PPP2R5A: variants seen among roughly 807,000 people sequenced by gnomAD.
The protein encoded by PPP2R5A is protein phosphatase 2 regulatory subunit B'alpha.
Under a neutral mutation model 64.2 loss-of-function variants are expected in PPP2R5A, and 25 were observed. That is an observed-to-expected ratio of 0.39 (90% CI 0.28 to 0.54). The LOEUF (loss-of-function observed/expected upper bound fraction) is 0.54. Among genes scored for constraint, PPP2R5A ranks in the 20% least tolerant of loss-of-function variants. The pLI is 0.67. For missense variants in PPP2R5A, 425 were observed against 576.3 expected, an observed-to-expected ratio of 0.74 and a Z score of 2.69; for synonymous variants, 198 against 201.2, an observed-to-expected ratio of 0.98 and a Z score of 0.13.
chr1:212,296,989 C>G (rs1340815034), intron 1 of PPP2R5A, among the ~76,000 whole-genome samples: 1 of 151,562 alleles, frequency 6.6e-6, no homozygotes, highest in Non-Finnish European at 1.5e-5. Flanking sequence ...GTTGCCTGGA[C>G]TGAAGCAAAG....
At chr1:212,330,910 G>T (rs553147095) in intron 2 of PPP2R5A, among the ~76,000 whole-genome samples, 1 of 151,006 alleles carries the variant, frequency 6.6e-6, no homozygotes, top group East Asian at 1.9e-4. Context: ...GCTCATGCCT[G>T]TAACCCCAGC....
At chr1:212,300,250 T>G (rs980365674) in intron 1 of PPP2R5A, among the ~76,000 whole-genome samples, 3 of 144,022 alleles carry the variant, frequency 2.1e-5, no homozygotes, top group Admixed American at 6.7e-5. Context: ...ACCTGGATAC[T>G]CTCTATATAT....
chr1:212,321,534 T>G (rs1489347171), intron 1 of PPP2R5A, among the ~76,000 whole-genome samples: 12 of 121,438 alleles, frequency 9.9e-5, no homozygotes, highest in Admixed American at 5.7e-4. Context: ...AGGCAGAGGG[T>G]CTCCTCACTT....
chr1:212,325,075 T>C lies in PPP2R5A; in HGVS notation c.182-4060T>C, dbSNP rs962390465. ...CATCAAATAAATATTTATTAACTCC[T>C]TATATACCCTACCCTAGATAAAAAA... On this transcript the variant is annotated intron_variant, in intron 1 of 12. Transcript: ENST00000261461. 2.0e-5 allele frequency among the ~76,000 whole-genome samples: 3 copies of C among 152,136 alleles called. No individual in the cohort carries two copies. In the East Asian group the frequency reaches 5.8e-4, roughly 29 times the overall value.
At chr1:212,347,040 A>G (rs1201751613) in intron 5 of PPP2R5A, among the ~76,000 whole-genome samples, 1 of 152,232 alleles carries the variant, frequency 6.6e-6, no homozygotes, top group East Asian at 1.9e-4. Context: ...TATTTTAAAA[A>G]GTATTTCTTT....
At position 212,358,704 on chromosome 1, in the gene PPP2R5A, A is replaced by G; in HGVS notation, c.1245A>G (p.Val415=). The part of the protein sequence containing the change: ...EHWNPTIVAL[V]YNVLKTLMEM... The stretch of plus-strand genomic sequence containing the variant: ...ATTTCAGGACCATTGTAGCACTGGT[A>G]TACAATGTGCTGAAAACCCTAATGG... Residue 415 remains valine, a synonymous_variant, in exon 12 of 13, where the codon GTA becomes GTG. Coordinates refer to ENST00000261461, the MANE Select transcript of PPP2R5A (RefSeq NM_006243.4). The G allele has an allele frequency of 3.1e-6, 5 of 1,612,848 alleles. No individual in the cohort carries two copies. Among genetic ancestry groups the G allele is most frequent in the Non-Finnish European group, 4.2e-6 (5 of 1,179,038 alleles).
At chr1:212,344,224 T>C (rs1659735510) in intron 4 of PPP2R5A, among the ~76,000 whole-genome samples, 1 of 152,224 alleles carries the variant, frequency 6.6e-6, no homozygotes, top group South Asian at 2.1e-4. Flanking sequence ...TCCGCCTGCC[T>C]TGGCCTCCCA....
In PPP2R5A at chr1:212,301,764, T is replaced by C. The variant is rs1658802766; in HGVS notation, c.181+15473T>C. ...AGTTTCTTAAATTAGAATCTTGGAT[T>C]GCATCCTCAGCGTGTCACTGTAGTG... On this transcript the variant is annotated intron_variant, in intron 1 of 12. Transcript: ENST00000261461. The C allele has an allele frequency of 3.9e-6, 4 of 1,027,708 alleles. No homozygotes were observed. In the East Asian group the frequency reaches 3.0e-4, roughly 77 times the overall value. The allele number at this position is 1,027,708 out of a possible 1,614,324, so 63.7% of individuals were successfully genotyped here.
intron 1 of PPP2R5A, among the ~76,000 whole-genome samples, chr1:212,327,724 T>G (rs1028890199): frequency 6.6e-6 from 1 of 151,696 alleles, no homozygotes; most frequent in Admixed American, 6.6e-5. Flanking sequence ...ATTTTTTGAG[T>G]GCCTATTATA....
At chr1:212,340,283 T>C (rs912054543) in intron 3 of PPP2R5A, among the ~76,000 whole-genome samples, 3 of 152,092 alleles carry the variant, frequency 2.0e-5, no homozygotes, top group Admixed American at 6.5e-5. Flanking sequence ...CTTAAAGCTT[T>C]TCCTACCTAT....
chr1:212,302,985 C>T (rs1658826280), intron 1 of PPP2R5A, among the ~76,000 whole-genome samples: 1 of 152,106 alleles, frequency 6.6e-6, no homozygotes, highest in South Asian at 2.1e-4. Context: ...TTTTATTTAT[C>T]CATTCCTCAC....
intron 9 of PPP2R5A, 63 bp from the exon 10 acceptor site, chr1:212,356,887 T>G: frequency 6.5e-6 from 9 of 1,387,814 alleles, no homozygotes; most frequent in Non-Finnish European, 8.8e-6. Context: ...CTCATTTGTA[T>G]GGTTTCTATA....
At chr1:212,360,253 G>T (rs748059555) in intron 12 of PPP2R5A, among the ~76,000 whole-genome samples, 72 of 152,200 alleles carry the variant, frequency 4.7e-4, no homozygotes, top group Admixed American at 8.5e-4. Flanking sequence ...TGTGGTGAAG[G>T]AAGTGCTTCC....
intron 1 of PPP2R5A, chr1:212,319,519 C>T (rs762352731): frequency 7.9e-5 from 12 of 151,920 alleles, no homozygotes; most frequent in Non-Finnish European, 1.8e-4. Flanking sequence ...TGCAAGAATT[C>T]TTAAAACGGA....
At chr1:212,351,112 A>C (rs939210248) in intron 8 of PPP2R5A, among the ~76,000 whole-genome samples, 19 of 146,104 alleles carry the variant, frequency 1.3e-4, no homozygotes, top group Non-Finnish European at 1.5e-4. Context: ...CAAAAAAAAA[A>C]ACAAAAAAAC....
chr1:212,347,632 C>T (rs530716665), intron 6 of PPP2R5A, among the ~76,000 whole-genome samples: 3 of 152,050 alleles, frequency 2.0e-5, no homozygotes, highest in African/African-American at 7.2e-5. Context: ...CTCTGCCTCC[C>T]GGGTTCAAGA....
rs531102015 is a variant in PPP2R5A at position 212,317,119 on chromosome 1, C to A, written c.182-12016C>A. ...CCCTTTTTATTCTAGGACTTGACTT[C>A]CTCTTAGTTTTGCCAGTTACCACTT... On this transcript the variant is annotated intron_variant, in intron 1 of 12. Coordinates refer to ENST00000261461, the MANE Select transcript of PPP2R5A (RefSeq NM_006243.4). 2.0e-5 allele frequency among the ~76,000 whole-genome samples: 3 copies of A among 152,278 alleles called. No individual in the cohort carries two copies. The South Asian group carries it at 6.2e-4, about 32-fold the overall frequency.
At chr1:212,318,014 A>G (rs1458212013) in intron 1 of PPP2R5A, among the ~76,000 whole-genome samples, 1 of 152,218 alleles carries the variant, frequency 6.6e-6, no homozygotes, top group African/African-American at 2.4e-5. Context: ...AAAAAGACGT[A>G]AGAATTTGGG....
intron 8 of PPP2R5A, among the ~76,000 whole-genome samples, chr1:212,352,284 C>A (rs1659899854): frequency 6.6e-6 from 1 of 151,954 alleles, no homozygotes; most frequent in South Asian, 2.1e-4. Flanking sequence ...CTTCCTTGGC[C>A]TTCCAAAGTG....
Sources: gnomAD v4.1 joint callset for allele counts (sites outside exome capture counted in the v4.1 genomes callset) on GRCh38, gnomAD v4.1.1 for gene constraint, MANE v1.5 for transcripts, NCBI Gene and HGNC (gene_info 2026-07-23, HGNC 2026-07-21) for gene names.